The following GALNTL6 variants were observed in gnomAD, a reference collection of about 807,000 sequenced individuals.
GALNTL6 encodes the protein polypeptide N-acetylgalactosaminyltransferase-like 6.
In GALNTL6, 46 loss-of-function variants were observed where a neutral mutation model predicts 73.7. The observed-to-expected ratio is 0.62, with a 90% CI of 0.49 to 0.80. The LOEUF (loss-of-function observed/expected upper bound fraction) is 0.80. GALNTL6 is among the 30% of genes least tolerant of loss of function. The pLI is 0.00. For missense variants in GALNTL6, 604 were observed against 755.0 expected (o/e 0.80, Z 2.34); for synonymous variants, 259 against 263.7 (o/e 0.98, Z 0.17).
chr4:172,099,773 A>C (rs1188210439), intron 2 of GALNTL6, among the ~76,000 whole-genome samples: 1 of 152,186 alleles, frequency 6.6e-6, no homozygotes, highest in Non-Finnish European at 1.5e-5. Flanking sequence ...TATGATTATC[A>C]GTTACGTTGG....
chr4:172,361,735 T>C (rs1742378637), intron 5 of GALNTL6, among the ~76,000 whole-genome samples: 1 of 152,154 alleles, frequency 6.6e-6, no homozygotes, highest in South Asian at 2.1e-4. Context: ...TGGATGATGG[T>C]TCCAATCAAA....
intron 2 of GALNTL6, among the ~76,000 whole-genome samples, chr4:172,148,502 A>G (rs1467866749): frequency 2.6e-5 from 4 of 152,222 alleles, no homozygotes. Context: ...GGTACTGAAT[A>G]AAAGAGAACA....
At chr4:172,953,041 C>T (rs1335715627) in intron 10 of GALNTL6, among the ~76,000 whole-genome samples, 1 of 152,122 alleles carries the variant, frequency 6.6e-6, no homozygotes, top group African/African-American at 2.4e-5. Flanking sequence ...CTATGCTATG[C>T]AGAGTCATGA....
intron 5 of GALNTL6, among the ~76,000 whole-genome samples, chr4:172,568,902 ATCT>A (rs1252885042): frequency 6.6e-6 from 1 of 151,310 alleles, no homozygotes; most frequent in African/African-American, 2.4e-5. Flanking sequence ...ACATTATGAG[ATCT>A]TCTTGTGATT....
At chr4:172,662,029 T>G (rs1731405498) in intron 5 of GALNTL6, among the ~76,000 whole-genome samples, 1 of 152,156 alleles carries the variant, frequency 6.6e-6, no homozygotes, top group South Asian at 2.1e-4. Flanking sequence ...CCAGCAGCAT[T>G]AGCATCACTT....
In GALNTL6 at chr4:172,865,559, A is replaced by G. The variant is rs901948010; in HGVS notation, c.924-17231A>G. On this transcript the variant is annotated intron_variant, in intron 7 of 12. Coordinates refer to ENST00000506823, the MANE Select transcript of GALNTL6 (RefSeq NM_001034845.3). ...ATTAGACGTTTGATTAATGAGGTGA[A>G]CAACAACTATAATTGTGATATCTTT... Among the ~76,000 whole-genome samples the G allele has an allele frequency of 4.6e-5, 7 of 152,254 alleles. No individual in the cohort carries two copies. The South Asian group carries it at 1.2e-3, about 27-fold the overall frequency.
At chr4:172,660,479 G>A (rs145446514) in intron 5 of GALNTL6, among the ~76,000 whole-genome samples, 1 of 152,336 alleles carries the variant, frequency 6.6e-6, no homozygotes, top group East Asian at 1.9e-4. Context: ...TTGAACTGGA[G>A]GGAATACTCT....
intron 5 of GALNTL6, among the ~76,000 whole-genome samples, chr4:172,605,820 A>G (rs1174032624): frequency 1.3e-5 from 2 of 152,118 alleles, no homozygotes; most frequent in African/African-American, 2.4e-5. Context: ...TAATACGTGA[A>G]GCAAATGAGG....
At chr4:172,288,172 G>A (rs1025724821) in intron 3 of GALNTL6, among the ~76,000 whole-genome samples, 6 of 150,956 alleles carry the variant, frequency 4.0e-5, no homozygotes, top group Non-Finnish European at 7.4e-5. Flanking sequence ...CTCACTGCAA[G>A]CTCTGTCTCC....
intron 2 of GALNTL6, among the ~76,000 whole-genome samples, chr4:172,011,591 T>G (rs1411520532): frequency 1.3e-5 from 2 of 152,072 alleles, no homozygotes; most frequent in African/African-American, 4.8e-5. Flanking sequence ...ATTTTTCAAC[T>G]CATATCATTC....
chr4:171,859,024 T>A (rs923792109), intron 2 of GALNTL6, among the ~76,000 whole-genome samples: 6 of 152,256 alleles, frequency 3.9e-5, no homozygotes, highest in Admixed American at 3.9e-4. Context: ...CTTTAAAAAA[T>A]TTTTCCATGT....
chr4:172,805,051 A>G (rs1740874266), intron 5 of GALNTL6, among the ~76,000 whole-genome samples: 1 of 152,198 alleles, frequency 6.6e-6, no homozygotes, highest in African/African-American at 2.4e-5. Flanking sequence ...CACGAGGGAA[A>G]TTATAGAATT....
intron 2 of GALNTL6, among the ~76,000 whole-genome samples, chr4:171,930,126 A>C (rs1352747720): frequency 6.6e-6 from 1 of 152,220 alleles, no homozygotes; most frequent in African/African-American, 2.4e-5. Context: ...ACCTGCACCC[A>C]ACCCTACAGC....
intron 8 of GALNTL6, among the ~76,000 whole-genome samples, chr4:172,890,423 A>T (rs1287648284): frequency 6.6e-6 from 1 of 151,746 alleles, no homozygotes; most frequent in Non-Finnish European, 1.5e-5. Context: ...AGAGATTTTG[A>T]TATGTTCTGT....
At chr4:172,213,888 C>T (rs1181629010) in intron 2 of GALNTL6, among the ~76,000 whole-genome samples, 1 of 152,242 alleles carries the variant, frequency 6.6e-6, no homozygotes, top group African/African-American at 2.4e-5. Flanking sequence ...CTAGATAGTA[C>T]CCTAAGATTT....
chr4:172,630,130 T>C (rs1427585612), intron 5 of GALNTL6, among the ~76,000 whole-genome samples: 1 of 152,164 alleles, frequency 6.6e-6, no homozygotes, highest in Non-Finnish European at 1.5e-5. Context: ...AATCTGCAAA[T>C]ATCCTCACTT....
intron 2 of GALNTL6, among the ~76,000 whole-genome samples, chr4:171,939,852 G>A (rs333000): frequency 0.77 from 117,132 of 152,028 alleles, 45,420 homozygotes; most frequent in Admixed American, 0.86. Flanking sequence ...TGGGATACAA[G>A]TTTACATGCC....
At chr4:172,122,116 A>G (rs1387890755) in intron 2 of GALNTL6, among the ~76,000 whole-genome samples, 1 of 151,194 alleles carries the variant, frequency 6.6e-6, no homozygotes, top group East Asian at 1.9e-4. Flanking sequence ...TTTATCATCT[A>G]GTATCCCATG....
intron 7 of GALNTL6, among the ~76,000 whole-genome samples, chr4:172,833,183 C>T (rs774350224): frequency 1.3e-5 from 2 of 152,162 alleles, no homozygotes; most frequent in Non-Finnish European, 2.9e-5. Context: ...AAGACCAGAC[C>T]ATAAGCTAAG....
Sources: gnomAD v4.1 joint callset for allele counts (sites outside exome capture counted in the v4.1 genomes callset) on GRCh38, gnomAD v4.1.1 for gene constraint, MANE v1.5 for transcripts, NCBI Gene and HGNC (gene_info 2026-07-23, HGNC 2026-07-21) for gene names.